LRRN1: variants seen among roughly 807,000 people sequenced by gnomAD.
The protein encoded by LRRN1 is leucine rich repeat neuronal 1.
LRRN1 carries 14 observed loss-of-function variants against 45.8 expected under a neutral mutation model. That is an observed-to-expected ratio of 0.31 (90% CI 0.20 to 0.48). LRRN1 has a LOEUF of 0.48. LRRN1 is among the 20% of genes least tolerant of loss of function. The pLI is 0.99. For missense variants in LRRN1, 789 were observed against 874.2 expected (o/e 0.90, Z 1.23); for synonymous variants, 359 against 330.1 (o/e 1.09, Z -0.95).
At position 3,847,060 on chromosome 3, in the gene LRRN1, T is replaced by A; in HGVS notation, c.*268T>A. ...TATTATATTATTATTTTATTTTAGT[T>A]GTTGTGCTAAACTCAATAATGCTGT... On this transcript the variant is annotated 3_prime_UTR_variant, in exon 2 of 2. Coordinates refer to ENST00000319331, the MANE Select transcript of LRRN1 (RefSeq NM_020873.7). 1 of 253,386 alleles carries A rather than the reference T, an allele frequency of 3.9e-6. No individual in the cohort carries two copies. The highest frequency in any genetic ancestry group is 1.1e-4 in the South Asian group (1 of 9,196). The allele number at this position is 253,386 out of a possible 1,614,324, so 15.7% of individuals were successfully genotyped here. A position where few individuals can be genotyped will look rare whatever the true frequency, so the allele number is the denominator to read the frequency against.
intron 1 of LRRN1, among the ~76,000 whole-genome samples, chr3:3,815,405 CA>C (rs1692967175): frequency 6.6e-6 from 1 of 152,118 alleles, no homozygotes; most frequent in Admixed American, 6.5e-5. Context: ...AAGAGTTGCT[CA>C]ATAAACTATT....
chr3:3,812,610 A>G (rs1175597241), intron 1 of LRRN1, among the ~76,000 whole-genome samples: 1 of 152,224 alleles, frequency 6.6e-6, no homozygotes, highest in Non-Finnish European at 1.5e-5. Context: ...CCGAAGAGAT[A>G]TGTCACCATG....
At chr3:3,817,516 C>G (rs1263762556) in intron 1 of LRRN1, among the ~76,000 whole-genome samples, 3 of 152,152 alleles carry the variant, frequency 2.0e-5, no homozygotes, top group Non-Finnish European at 4.4e-5. Flanking sequence ...GTACATCTGC[C>G]TTCAAATTTT....
intron 1 of LRRN1, among the ~76,000 whole-genome samples, chr3:3,828,342 G>A (rs1387316447): frequency 1.3e-5 from 2 of 151,960 alleles, no homozygotes; most frequent in Non-Finnish European, 2.9e-5. Flanking sequence ...GGAGAAAGAT[G>A]TAGGCTAGGA....
intron 1 of LRRN1, among the ~76,000 whole-genome samples, chr3:3,813,187 T>G (rs969358675): frequency 1.3e-5 from 2 of 152,248 alleles, no homozygotes; most frequent in African/African-American, 4.8e-5. Flanking sequence ...CAGAGGTGAC[T>G]GCTGGTGAGT....
intron 1 of LRRN1, among the ~76,000 whole-genome samples, chr3:3,835,563 C>T (rs1353884552): frequency 6.7e-6 from 1 of 149,986 alleles, no homozygotes; most frequent in African/African-American, 2.5e-5. Context: ...AGAATTCTTT[C>T]TCCAACCCCA....
intron 1 of LRRN1, among the ~76,000 whole-genome samples, chr3:3,807,104 G>A (rs545945551): frequency 3.3e-5 from 5 of 152,206 alleles, no homozygotes; most frequent in South Asian, 4.2e-4. Flanking sequence ...ACGATGCATC[G>A]GTTAAAAAGT....
rs1268382721 is a variant in LRRN1, at chr3:3,847,856, A to T, written c.*1064A>T. On this transcript the variant is annotated 3_prime_UTR_variant, in exon 2 of 2. Coordinates refer to ENST00000319331, the MANE Select transcript of LRRN1 (RefSeq NM_020873.7). The stretch of plus-strand genomic sequence containing the variant: ...TGACTAGCACCTAATGGGCAGTGGG[A>T]GGGTGGTTCATATGAAGAAAAAAAG... 6.6e-6 allele frequency among the ~76,000 whole-genome samples: 1 copy of T among 152,152 alleles called. No homozygotes were observed. The highest frequency in any genetic ancestry group is 6.5e-5 in the Admixed American group (1 of 15,284).
At chr3:3,841,621 C>A (rs527912583) in intron 1 of LRRN1, among the ~76,000 whole-genome samples, 2 of 151,986 alleles carry the variant, frequency 1.3e-5, no homozygotes, top group Non-Finnish European at 2.9e-5. Flanking sequence ...CAGGTTCAAG[C>A]GATTCTCCTG....
intron 1 of LRRN1, among the ~76,000 whole-genome samples, chr3:3,843,013 C>A (rs1693680107): frequency 6.6e-6 from 1 of 152,214 alleles, no homozygotes. Flanking sequence ...CATCTGACAA[C>A]CACTATTTAG....
At chr3:3,841,459 CAA>C (rs770670666) in intron 1 of LRRN1, among the ~76,000 whole-genome samples, 10 of 151,976 alleles carry the variant, frequency 6.6e-5, no homozygotes, top group African/African-American at 9.7e-5. Flanking sequence ...TAAACAGAAA[CAA>C]GAGTGAAATA....
chr3:3,830,854 C>T (rs13062533), intron 1 of LRRN1, among the ~76,000 whole-genome samples: 27,509 of 152,092 alleles, frequency 0.18, 2,914 homozygotes, highest in East Asian at 0.3. Flanking sequence ...CATGGTCAAA[C>T]GTTCAGTTTC....
At chr3:3,834,682 C>A (rs1056679932) in intron 1 of LRRN1, among the ~76,000 whole-genome samples, 1 of 150,294 alleles carries the variant, frequency 6.7e-6, no homozygotes, top group Non-Finnish European at 1.5e-5. Context: ...TATCTGCCAG[C>A]TGAGGAGCAA....
Position 3,814,350 on chromosome 3 carries a change from T to G in LRRN1, c.-279+14431T>G, listed in dbSNP as rs1219254263. 2.6e-5 allele frequency among the ~76,000 whole-genome samples: 4 copies of G among 151,598 alleles called. No individual in the cohort carries two copies. In the East Asian group the frequency reaches 7.8e-4, roughly 29 times the overall value. On this transcript the variant is annotated intron_variant, in intron 1 of 1. Coordinates refer to ENST00000319331, the MANE Select transcript of LRRN1 (RefSeq NM_020873.7). The stretch of plus-strand genomic sequence containing the variant: ...TCCCTCCAGTTCCACCCAGTACCCC[T>G]TTCCACTTTGCTGTGTGCCCCAGGA...
intron 1 of LRRN1, among the ~76,000 whole-genome samples, chr3:3,834,529 T>TATATATATATC (rs1693449892): frequency 1.0e-5 from 1 of 97,098 alleles, no homozygotes; most frequent in Admixed American, 1.0e-4. Flanking sequence ...GAACAGGATA[T>TATATATATATC]ATATATATAT....
rs1305274357 is a variant in LRRN1 at position 3,844,971 on chromosome 3, T to G, written c.330T>G (p.Ile110Met). Reference protein sequence around the residue: ...LDFSQNNFTNIKEVGLANLTQ... With the variant: ...LDFSQNNFTNMKEVGLANLTQ... ...TCTCCCAAAACAACTTTACTAACAT[T>G]AAGGAGGTCGGGCTGGCAAACCTAA... is the stretch of plus-strand genomic sequence containing the variant. Residue 110 changes from isoleucine to methionine, a missense_variant, in exon 2 of 2, where the codon ATT (isoleucine) becomes ATG (methionine). Transcript: ENST00000319331. The G allele has an allele frequency of 6.2e-7, 1 of 1,614,040 alleles. No homozygotes were observed. The highest frequency in any genetic ancestry group is 8.5e-7 in the Non-Finnish European group (1 of 1,180,008).
chr3:3,846,086 G>A lies in LRRN1; in HGVS notation c.1445G>A (p.Gly482Asp), dbSNP rs756071980. 1 of 1,613,956 alleles carries A rather than the reference G, an allele frequency of 6.2e-7. No homozygotes were observed. Among genetic ancestry groups the A allele is most frequent in the African/African-American group, 1.3e-5 (1 of 74,894 alleles). ...LSDKYKLSSEGTLEISNIQIE... is the reference protein window; with the variant it reads ...LSDKYKLSSEDTLEISNIQIE... ...GATAAATACAAGCTAAGTAGCGAAG[G>A]TACCTTGGAAATATCTAACATACAA... The change falls in exon 2 of 2, where the codon GGT (glycine) becomes GAT (aspartate). Residue 482 changes from glycine to aspartate, a missense_variant. Transcript: ENST00000319331. This position sits in a 1 kb window ranked among gnomAD's most constrained non-coding sequence, Gnocchi z 5.7.
chr3:3,835,256 AACATTT>A (rs1262714946), intron 1 of LRRN1, among the ~76,000 whole-genome samples: 2 of 152,222 alleles, frequency 1.3e-5, no homozygotes, highest in Non-Finnish European at 2.9e-5. Context: ...ATATTGTCAG[AACATTT>A]ACATTAGTTT....
chr3:3,845,226 T>G lies in LRRN1; in HGVS notation c.585T>G (p.Ile195Met), dbSNP rs1693739098. 6.2e-7 allele frequency: 1 copy of G among 1,614,072 alleles called. No individual in the cohort carries two copies. Among genetic ancestry groups the G allele is most frequent in the Admixed American group, 1.7e-5 (1 of 60,010 alleles). The change falls in exon 2 of 2, where the codon ATT (isoleucine) becomes ATG (methionine). Residue 195 changes from isoleucine to methionine, a missense_variant. Ile to Met is a conservative substitution (Grantham distance 10, BLOSUM62 1). Coordinates refer to ENST00000319331, the MANE Select transcript of LRRN1 (RefSeq NM_020873.7). This position sits in a 1 kb window ranked among gnomAD's most constrained non-coding sequence, Gnocchi z 6.5. Reference sequence around the variant, plus strand: ...TTGATTCTACACCCAACCTGGAAATTCTCATGATCGGAGAAAACCCTGTGA... The same window carrying G: ...TTGATTCTACACCCAACCTGGAAATGCTCATGATCGGAGAAAACCCTGTGA... ...RWFDSTPNLE[I>M]LMIGENPVIG...
Sources: gnomAD v4.1 joint callset for allele counts (sites outside exome capture counted in the v4.1 genomes callset) on GRCh38, gnomAD v4.1.1 for gene constraint, Gnocchi (gnomAD v3.1) non-coding constraint, MANE v1.5 for transcripts, NCBI Gene and HGNC (gene_info 2026-07-23, HGNC 2026-07-21) for gene names.